Variants in AFF4 observed in about 807,000 individuals in gnomAD.
AFF4 encodes AF4/FMR2 family member 4.
A neutral mutation model predicts 124.8 loss-of-function variants in AFF4; 13 were observed. The observed-to-expected ratio is 0.10, with a 90% CI of 0.07 to 0.17. AFF4 has a LOEUF of 0.17. Among genes scored for constraint, AFF4 ranks in the 10% least tolerant of loss-of-function variants. AFF4 has a pLI of 1.00. For missense variants in AFF4, 1,092 were observed against 1,403.8 expected (o/e 0.78, Z 3.55); for synonymous variants, 477 against 496.1 (o/e 0.96, Z 0.51).
In AFF4 at chr5:132,901,286, G is replaced by GTA. The variant is rs201451221; in HGVS notation, c.1133+1154_1133+1155dup. On this transcript the variant is annotated intron_variant, in intron 7 of 20. Transcript: ENST00000265343. ...TGTTCCCTCACAATCAAAGTGATAG[G>GTA]TATATATATGGTAAGACCACATCCG... 5.3e-4 allele frequency among the ~76,000 whole-genome samples: 81 copies of GTA among 152,282 alleles called. 2 individuals are homozygous for GTA. The East Asian group carries it at 0.015, about 29-fold the overall frequency.
chr5:132,897,273 G>A (rs765542003), intron 10 of AFF4, 33 bp from the exon 11 acceptor site: 11 of 1,585,796 alleles, frequency 6.9e-6, no homozygotes, highest in South Asian at 6.9e-5. Flanking sequence ...TGCTTTTTTC[G>A]ATACTGAATG....
chr5:132,913,538 T>TG (rs1760840863), intron 5 of AFF4, among the ~76,000 whole-genome samples: 1 of 152,200 alleles, frequency 6.6e-6, no homozygotes, highest in South Asian at 2.1e-4. Flanking sequence ...TGACCTCTTG[T>TG]GCTCAGGCAA....
chr5:132,927,953 G>A (rs1191496602), intron 4 of AFF4, among the ~76,000 whole-genome samples: 4 of 152,166 alleles, frequency 2.6e-5, no homozygotes, highest in African/African-American at 7.2e-5. Context: ...GTGTATGTTA[G>A]ATAAGCCAAG....
chr5:132,937,711 G>A (rs984116531), intron 1 of AFF4: 3 of 152,166 alleles, frequency 2.0e-5, no homozygotes, highest in African/African-American at 7.2e-5. Flanking sequence ...ACGGTAGTTT[G>A]ACCTCAGCTT....
At chr5:132,929,250 A>T (rs567015624) in intron 4 of AFF4, among the ~76,000 whole-genome samples, 2 of 152,160 alleles carry the variant, frequency 1.3e-5, no homozygotes, top group African/African-American at 2.4e-5. Context: ...TTTATATCTC[A>T]AATATCAAAA....
intron 3 of AFF4, among the ~76,000 whole-genome samples, chr5:132,933,043 A>T (rs1345256282): frequency 5.9e-5 from 9 of 152,220 alleles, no homozygotes; most frequent in Non-Finnish European, 1.5e-5. Context: ...TAAGAGTTGT[A>T]ATTTTTTGGC....
chr5:132,891,010 T>C (rs995399715), intron 13 of AFF4, among the ~76,000 whole-genome samples: 1 of 151,078 alleles, frequency 6.6e-6, no homozygotes, highest in Admixed American at 6.6e-5. Flanking sequence ...ATAAATTAAT[T>C]AATAAATTAA....
intron 1 of AFF4, among the ~76,000 whole-genome samples, chr5:132,953,882 A>T (rs1307892299): frequency 6.6e-6 from 1 of 152,204 alleles, no homozygotes; most frequent in African/African-American, 2.4e-5. Flanking sequence ...GCCATACGGC[A>T]GCCAAAGTAA....
At chr5:132,948,331 C>G (rs1761749532) in intron 1 of AFF4, among the ~76,000 whole-genome samples, 1 of 152,174 alleles carries the variant, frequency 6.6e-6, no homozygotes, top group Non-Finnish European at 1.5e-5. Flanking sequence ...TACTGTTTTT[C>G]TCTGATGAAT....
At chr5:132,891,794 T>G in intron 13 of AFF4, 1 of 277,664 alleles carries the variant, frequency 3.6e-6, no homozygotes, top group Non-Finnish European at 6.5e-6. Context: ...AATGACTGGT[T>G]TCTATCTTTT....
At chr5:132,946,122 C>T (rs1761692447) in intron 1 of AFF4, among the ~76,000 whole-genome samples, 2 of 152,154 alleles carry the variant, frequency 1.3e-5, no homozygotes, top group South Asian at 4.1e-4. Context: ...CAATATCACT[C>T]CACACCCATT....
At chr5:132,911,347 C>G (rs1204325440) in intron 5 of AFF4, among the ~76,000 whole-genome samples, 1 of 151,772 alleles carries the variant, frequency 6.6e-6, no homozygotes, top group African/African-American at 2.4e-5. Context: ...AAATCTCATG[C>G]CAGGAACATA....
chr5:132,923,574 T>G (rs1761103753), intron 5 of AFF4, among the ~76,000 whole-genome samples: 1 of 151,758 alleles, frequency 6.6e-6, no homozygotes, highest in Non-Finnish European at 1.5e-5. Flanking sequence ...CGTCTCTATG[T>G]AAGTCTGGCA....
chr5:132,934,544 G>C lies in AFF4; in HGVS notation c.521C>G (p.Ser174Cys), dbSNP rs138207289. ...TCCAGGGCTGGAAGAACGTGATTTG[G>C]AGTGTTCTGATCCATGCTGGCCTTT... ...RKKGQHGSEH[S>C]KSRSSSPGKP... The change falls in exon 3 of 21, where the codon TCC (serine) becomes TGC (cysteine). Residue 174 changes from serine to cysteine, a missense_variant. Physicochemically the swap from Ser to Cys is moderately radical, Grantham distance 112 (BLOSUM62 -1). Transcript: ENST00000265343. The C allele has an allele frequency of 4.2e-5, 68 of 1,614,008 alleles. No homozygotes were observed. In the African/African-American group the frequency reaches 7.2e-4, roughly 17 times the overall value.
In AFF4 at chr5:132,880,816, C is replaced by T. The variant is rs577456956; in HGVS notation, c.*243G>A. 8.5e-5 allele frequency: 30 copies of T among 353,414 alleles called. No homozygotes were observed. The highest frequency in any genetic ancestry group is 2.2e-4 in the East Asian group (5 of 22,806). 21.9% of individuals were successfully genotyped at this position (353,414 alleles called of 1,614,324 possible). A position where few individuals can be genotyped will look rare whatever the true frequency, so the allele number is the denominator to read the frequency against. Reference sequence around the variant, plus strand: ...GGAATTTCAATCTTATCATAGCTCACGGAAACCATCTTATCAATGTGCTGC... The same window carrying T: ...GGAATTTCAATCTTATCATAGCTCATGGAAACCATCTTATCAATGTGCTGC... On this transcript the variant is annotated 3_prime_UTR_variant, in exon 21 of 21. Coordinates refer to ENST00000265343, the MANE Select transcript of AFF4 (RefSeq NM_014423.4).
rs1760979876 is a variant in AFF4, at chr5:132,919,008, G to A, written c.1050+8113C>T. Among the ~76,000 whole-genome samples the A allele has an allele frequency of 3.9e-5, 6 of 152,014 alleles. No individual in the cohort carries two copies. The South Asian group carries it at 1.2e-3, about 32-fold the overall frequency. On this transcript the variant is annotated intron_variant, in intron 5 of 20. Coordinates refer to ENST00000265343, the MANE Select transcript of AFF4 (RefSeq NM_014423.4). ...AGAGACTCCTGCCTCAGCCTCCTGA[G>A]TAGCTGGGATTACAGGTGTGCACCA...
At chr5:132,940,398 G>A (rs551053155) in intron 1 of AFF4, among the ~76,000 whole-genome samples, 2 of 151,934 alleles carry the variant, frequency 1.3e-5, no homozygotes, top group South Asian at 4.2e-4. Flanking sequence ...CTACTCGGGA[G>A]GCTGAGGCAG....
intron 4 of AFF4, among the ~76,000 whole-genome samples, chr5:132,930,933 T>TAAAA (rs775336427): frequency 5.1e-5 from 4 of 78,566 alleles, no homozygotes; most frequent in South Asian, 4.7e-4. Flanking sequence ...CTATCTCTAC[T>TAAAA]AAAAAAAAAA....
In AFF4 at chr5:132,896,724, A is replaced by G; in HGVS notation, c.1906T>C (p.Ser636Pro). The G allele has an allele frequency of 6.2e-7, 1 of 1,614,030 alleles. No individual in the cohort carries two copies. Among genetic ancestry groups the G allele is most frequent in the Non-Finnish European group, 8.5e-7 (1 of 1,179,994 alleles). ...EKKKYKSTSK[S>P]SQKSREIIET... The stretch of plus-strand genomic sequence containing the variant: ...ATGATTTCCCTTGATTTCTGGGAAG[A>G]TTTACTTGTTGACTTATATTTCTTT... Residue 636 changes from serine to proline, a missense_variant, in exon 11 of 21, where the codon TCT (serine) becomes CCT (proline). This residue lies in a region of AFF4 where 174 missense variants were observed against 205.9 expected (regional missense o/e 0.84). Coordinates refer to ENST00000265343, the MANE Select transcript of AFF4 (RefSeq NM_014423.4).
Sources: gnomAD v4.1 joint callset for allele counts (sites outside exome capture counted in the v4.1 genomes callset) on GRCh38, gnomAD v4.1.1 for gene constraint, gnomAD v4.1.1 regional missense constraint, MANE v1.5 for transcripts, NCBI Gene and HGNC (gene_info 2026-07-23, HGNC 2026-07-21) for gene names.